ZNF469: variants seen among roughly 807,000 people sequenced by gnomAD.
ZNF469 encodes the protein zinc finger protein 469.
In ZNF469, 1 loss-of-function variant was observed where a neutral mutation model predicts 1.0. The observed-to-expected ratio is 1.00, with a 90% CI of 0.35 to 4.73. The LOEUF (loss-of-function observed/expected upper bound fraction) is 4.73, where lower values mean the gene tolerates loss of function less well. Among genes scored for constraint, ZNF469 ranks in the 30% most tolerant of loss-of-function variants. The probability of loss-of-function intolerance (pLI) is 0.16; values close to 1 mark genes in which losing one functional copy is unlikely to be tolerated. For synonymous variants in ZNF469, 2,703 were observed against 2,363.4 expected, an observed-to-expected ratio of 1.14 and a Z score of -4.17; for missense variants, 6,100 against 5,356.3, an observed-to-expected ratio of 1.14 and a Z score of -4.33.
At chr16:88,421,419 G>T (rs957942503) in intron 1 of ZNF469, among the ~76,000 whole-genome samples, 3 of 152,192 alleles carry the variant, frequency 2.0e-5, no homozygotes, top group African/African-American at 7.2e-5. Context: ...CGACAGGCTG[G>T]CACCAAGGGG....
the ZNF469 span, among the ~76,000 whole-genome samples, chr16:88,354,670 C>T: frequency 1.3e-4 from 20 of 152,192 alleles, no homozygotes; most frequent in African/African-American, 4.1e-4. Context: ...TGTTAGGGTG[C>T]GCTCATGTGT....
chr16:88,342,202 G>T, the ZNF469 span, among the ~76,000 whole-genome samples: 1 of 152,138 alleles, frequency 6.6e-6, no homozygotes, highest in African/African-American at 2.4e-5. Context: ...TCTCCACCTT[G>T]TCACTGCTGG....
the ZNF469 span, among the ~76,000 whole-genome samples, chr16:88,360,706 G>T: frequency 1.8e-5 from 2 of 112,738 alleles, no homozygotes; most frequent in South Asian, 6.4e-4. Flanking sequence ...TCCCTCAATG[G>T]CAGTCCACCC....
the ZNF469 span, among the ~76,000 whole-genome samples, chr16:88,302,790 T>A: frequency 6.6e-6 from 1 of 152,166 alleles, no homozygotes; most frequent in Non-Finnish European, 1.5e-5. Context: ...CTCAGGTGTC[T>A]ACCCTCGCCT....
At chr16:88,296,740 C>A in the ZNF469 span, among the ~76,000 whole-genome samples, 5 of 150,102 alleles carry the variant, frequency 3.3e-5, no homozygotes, top group African/African-American at 1.3e-4. Context: ...TCCACCCACA[C>A]ACACATACAC....
chr16:88,380,920 TCACA>T (rs1268844581), upstream of ZNF469, among the ~76,000 whole-genome samples: 1 of 60,764 alleles, frequency 1.6e-5, no homozygotes, highest in Non-Finnish European at 2.7e-5. Context: ...AGACATGCAC[TCACA>T]CAGACACGCA....
In ZNF469 at chr16:88,436,281, C is replaced by T; in HGVS notation, c.8811C>T (p.Ser2937=). The change falls in exon 3 of 3, where the codon TCC becomes TCT. Residue 2937 remains serine, a synonymous_variant. Coordinates refer to ENST00000565624, the MANE Select transcript of ZNF469 (RefSeq NM_001367624.2). ...AGGATCCCGCAGGTCTGCCCGAGTCCTTCCTCCTGGATGGGTTCCTCAATA... is the reference window on the plus strand; with the variant it reads ...AGGATCCCGCAGGTCTGCCCGAGTCTTTCCTCCTGGATGGGTTCCTCAATA... ...EDEDPAGLPE[S]FLLDGFLNSR... The T allele has an allele frequency of 1.9e-6, 3 of 1,550,026 alleles. No homozygotes were observed. The highest frequency in any genetic ancestry group is 2.7e-5 in the African/African-American group (2 of 73,178).
At chr16:88,302,682 C>G in the ZNF469 span, among the ~76,000 whole-genome samples, 4 of 152,338 alleles carry the variant, frequency 2.6e-5, no homozygotes, top group Admixed American at 2.6e-4. Flanking sequence ...GGACCAGCAT[C>G]TGCTCCCTGC....
chr16:88,148,541 T>C, the ZNF469 span, among the ~76,000 whole-genome samples: 1 of 152,170 alleles, frequency 6.6e-6, no homozygotes, highest in Non-Finnish European at 1.5e-5. Context: ...GCGGCACCAA[T>C]GTCTCTGTGA....
the ZNF469 span, among the ~76,000 whole-genome samples, chr16:88,142,393 A>G: frequency 6.6e-6 from 1 of 152,188 alleles, no homozygotes; most frequent in Non-Finnish European, 1.5e-5. Context: ...GGCGGGCCAG[A>G]ATCCTGCGAG....
chr16:88,288,311 T>G, the ZNF469 span, among the ~76,000 whole-genome samples: 1 of 152,180 alleles, frequency 6.6e-6, no homozygotes, highest in Non-Finnish European at 1.5e-5. Flanking sequence ...GCACGCATGT[T>G]GAGAACTTGG....
At chr16:88,239,666 TGTATATATATATATATATA>T in the ZNF469 span, among the ~76,000 whole-genome samples, 58 of 40,592 alleles carry the variant, frequency 1.4e-3, 4 homozygotes, top group African/African-American at 4.7e-3. Context: ...TTTTTTTTTT[TGTATATATATATATATATA>T]TATATATATA....
Position 88,427,490 on chromosome 16 carries a change from G to C in ZNF469, c.20G>C (p.Arg7Pro). 6.6e-7 allele frequency: 1 copy of C among 1,525,270 alleles called. No homozygotes were observed. The highest frequency in any genetic ancestry group is 8.8e-7 in the Non-Finnish European group (1 of 1,139,662). The allele number at this position is 1,525,270 out of a possible 1,614,324, so 94.5% of individuals were successfully genotyped here. Residue 7 changes from arginine to proline, a missense_variant, in exon 3 of 3, where the codon CGA becomes CCA. Arg to Pro is a moderately radical substitution (Grantham distance 103). Transcript: ENST00000565624. MPGERP[R>P]GAPPPTMTGD... ...GGGGCCATGCCTGGGGAGCGCCCCC[G>C]AGGAGCGCCGCCCCCCACCATGACT... is the stretch of plus-strand genomic sequence containing the variant.
At chr16:88,380,993 G>T (rs116819736), upstream of ZNF469, among the ~76,000 whole-genome samples, 28 of 44,304 alleles carry the variant, frequency 6.3e-4, no homozygotes, top group Middle Eastern at 0.033. Flanking sequence ...CACTCACACA[G>T]ACATGCACTC....
In ZNF469 at chr16:88,427,899, G is replaced by A. The variant is rs1905799772; in HGVS notation, c.429G>A (p.Glu143=). The stretch of plus-strand genomic sequence containing the variant: ...AGACACCAGAGAACCCACAGCTGGA[G>A]GCTGCCCAGCTCCCTGAGGTGGACA... ...LDETPENPQL[E]AAQLPEVDTP... Residue 143 remains glutamate (E), a synonymous_variant, in exon 3 of 3, where the codon GAG becomes GAA. Coordinates refer to ENST00000565624, the MANE Select transcript of ZNF469 (RefSeq NM_001367624.2). The A allele has an allele frequency of 1.3e-6, 2 of 1,549,752 alleles. No individual in the cohort carries two copies. Among genetic ancestry groups the A allele is most frequent in the Non-Finnish European group, 1.7e-6 (2 of 1,146,848 alleles).
chr16:88,231,619 C>G, the ZNF469 span, among the ~76,000 whole-genome samples: 1 of 152,170 alleles, frequency 6.6e-6, no homozygotes, highest in Non-Finnish European at 1.5e-5. This position sits in a 1 kb window ranked among gnomAD's most constrained non-coding sequence, Gnocchi z 4.5. Flanking sequence ...GGCTCATGGC[C>G]CTTCCTCCAC....
At chr16:88,187,456 G>A in the ZNF469 span, among the ~76,000 whole-genome samples, 2 of 152,238 alleles carry the variant, frequency 1.3e-5, no homozygotes, top group Non-Finnish European at 1.5e-5. Flanking sequence ...CATCTCACAG[G>A]CCCTCTGTAA....
At chr16:88,340,054 G>A in the ZNF469 span, among the ~76,000 whole-genome samples, 33,434 of 151,978 alleles carry the variant, frequency 0.22, 4,682 homozygotes, top group African/African-American at 0.4. Flanking sequence ...AGCAGTGCCA[G>A]GTCTGAGCCA....
chr16:88,254,263 G>C, the ZNF469 span, among the ~76,000 whole-genome samples: 2 of 152,190 alleles, frequency 1.3e-5, no homozygotes, highest in Admixed American at 6.5e-5. Context: ...TTATTAAAAA[G>C]TCTTCCCTTT....
Sources: gnomAD v4.1 joint callset for allele counts (sites outside exome capture counted in the v4.1 genomes callset) on GRCh38, gnomAD v4.1.1 for gene constraint, Gnocchi (gnomAD v3.1) non-coding constraint, MANE v1.5 for transcripts, NCBI Gene and HGNC (gene_info 2026-07-23, HGNC 2026-07-21) for gene names.